PRRC2A: variants seen among roughly 807,000 people sequenced by gnomAD.
PRRC2A encodes the protein proline rich coiled-coil 2A, also known as protein PRRC2A.
A neutral mutation model predicts 224.6 loss-of-function variants in PRRC2A; 59 were observed. That is an observed-to-expected ratio of 0.26 (90% CI 0.21 to 0.33). PRRC2A has a LOEUF of 0.33. Among genes scored for constraint, PRRC2A ranks in the 10% least tolerant of loss-of-function variants. PRRC2A has a pLI of 1.00. For synonymous variants in PRRC2A, 1,194 were observed against 1,109.5 expected, an observed-to-expected ratio of 1.08 and a Z score of -1.51; for missense variants, 3,095 against 2,880.7, an observed-to-expected ratio of 1.07 and a Z score of -1.70.
intron 14 of PRRC2A, 39 bp from the exon 15 acceptor site, chr6:31,630,552 A>G (rs374721855): frequency 9.9e-6 from 16 of 1,608,058 alleles, no homozygotes; most frequent in Non-Finnish European, 1.1e-5. Flanking sequence ...GGCTTGTGAC[A>G]TGAATAGGAT....
Position 31,629,255 on chromosome 6 carries a change from C to T in PRRC2A, c.1877C>T (p.Thr626Ile), listed in dbSNP as rs746899291. Residue 626 changes from threonine (T) to isoleucine (I), a missense_variant, in exon 13 of 31, where the codon ACC becomes ATC. By Grantham distance (89) the Thr-to-Ile change is moderately conservative. This residue lies in a region of PRRC2A where 2,001 missense variants were observed against 1,764.9 expected (regional missense o/e 1.13). Transcript: ENST00000376033. The stretch of plus-strand genomic sequence containing the variant: ...CCCAAGGGTGATGGGATTGGTCCCA[C>T]CCGCCAGCCCCCTAGTCAGGGCTTG... ...VEPKGDGIGP[T>I]RQPPSQGLGY... The T allele has an allele frequency of 7.4e-6, 12 of 1,610,938 alleles. No individual in the cohort carries two copies. Among genetic ancestry groups the T allele is most frequent in the Non-Finnish European group, 1.0e-5 (12 of 1,178,584 alleles).
At chr6:31,634,033 G>A (rs760769795) in intron 18 of PRRC2A, 44 bp downstream of exon 18, 17 of 1,588,910 alleles carry the variant, frequency 1.1e-5, no homozygotes, top group East Asian at 4.5e-5. Context: ...ACTCTTACTC[G>A]TGAAAATTCT....
At position 31,628,120 on chromosome 6, in the gene PRRC2A, C is replaced by T. The variant is rs774473052; in HGVS notation, c.1646C>T (p.Pro549Leu). Residue 549 changes from proline (P) to leucine (L), a missense_variant, in exon 12 of 31, where the codon CCA becomes CTA. Around this residue, in one of 8 missense-constraint regions of PRRC2A, gnomAD observed 2,001 missense variants for 1,764.9 expected, o/e 1.13. Transcript: ENST00000376033. ...APTPETEPEE[P>L]AQAPPAQSTP... Reference sequence around the variant, plus strand: ...ACACCAGAGACAGAACCTGAAGAGCCAGCACAGGCCCCTCCTGCCCAATCT... The same window carrying T: ...ACACCAGAGACAGAACCTGAAGAGCTAGCACAGGCCCCTCCTGCCCAATCT... The T allele has an allele frequency of 4.3e-6, 7 of 1,613,030 alleles. No individual in the cohort carries two copies. The highest frequency in any genetic ancestry group is 5.9e-6 in the Non-Finnish European group (7 of 1,180,012).
At chr6:31,630,209 C>G (rs535357491) in intron 14 of PRRC2A, among the ~76,000 whole-genome samples, 15 of 152,226 alleles carry the variant, frequency 9.9e-5, no homozygotes, top group Admixed American at 3.9e-4. Flanking sequence ...CCCAGCTACT[C>G]GGGAGACTGA....
chr6:31,625,513 C>G lies in PRRC2A; in HGVS notation c.661C>G (p.Pro221Ala). 2.5e-6 allele frequency: 4 copies of G among 1,582,788 alleles called. No homozygotes were observed. The Middle Eastern group carries it at 6.7e-4, about 266-fold the overall frequency. ...GGRGPDELEG[P>A]DSKLHHGHDP... ...GCGTGGCCCTGATGAGCTGGAGGGC[C>G]CGGACTCCAAACTTCATCATGGTCA... Residue 221 changes from proline to alanine, a missense_variant, in exon 7 of 31, where the codon CCG becomes GCG. Pro to Ala is a conservative substitution (Grantham distance 27). Around this residue, in one of 8 missense-constraint regions of PRRC2A, gnomAD observed 287 missense variants for 275.3 expected, o/e 1.04. Coordinates refer to ENST00000376033, the MANE Select transcript of PRRC2A (RefSeq NM_004638.4). This position sits in a 1 kb window ranked among gnomAD's most constrained non-coding sequence, Gnocchi z 4.1.
At chr6:31,633,213 C>G (rs531968099) in intron 16 of PRRC2A, among the ~76,000 whole-genome samples, 166 bp from the exon 17 acceptor site, 2 of 152,184 alleles carry the variant, frequency 1.3e-5, no homozygotes, top group Non-Finnish European at 2.9e-5. Flanking sequence ...TGGTTCTTTG[C>G]TTTCCAGTCT....
chr6:31,624,798 T>G, intron 5 of PRRC2A: 1 of 550,348 alleles, frequency 1.8e-6, no homozygotes, highest in East Asian at 3.0e-5. Flanking sequence ...TGTCAGAGCC[T>G]TCCACTTTTT....
intron 9 of PRRC2A, among the ~76,000 whole-genome samples, chr6:31,626,473 G>A (rs181859287): frequency 1.4e-4 from 22 of 151,968 alleles, no homozygotes; most frequent in Non-Finnish European, 2.5e-4. Context: ...GGGAGGATCA[G>A]TTGAGCCCAG....
Position 31,627,900 on chromosome 6 carries a change from C to T in PRRC2A, c.1426C>T (p.Arg476Trp). The part of the protein sequence containing the change: ...RARRRREEEE[R>W]RMQEERRAAC... ...CCGGCGACGGCGAGAAGAAGAGGAG[C>T]GGCGCATGCAAGAAGAGCGCCGGGC... The change falls in exon 12 of 31, where the codon CGG becomes TGG. Residue 476 changes from arginine (R) to tryptophan (W), a missense_variant. Arg to Trp is a moderately radical substitution (Grantham distance 101). Around this residue, in one of 8 missense-constraint regions of PRRC2A, gnomAD observed 2,001 missense variants for 1,764.9 expected, o/e 1.13. Transcript: ENST00000376033. This position sits in a 1 kb window ranked among gnomAD's most constrained non-coding sequence, Gnocchi z 5.6. 1.2e-6 allele frequency: 2 copies of T among 1,613,032 alleles called. No individual in the cohort carries two copies. The highest frequency in any genetic ancestry group is 1.1e-5 in the South Asian group (1 of 91,086).
At position 31,636,924 on chromosome 6, in the gene PRRC2A, C is replaced by G. The variant is rs570553846; in HGVS notation, c.6126C>G (p.Pro2042=). 1 of 1,612,960 alleles carries G rather than the reference C, an allele frequency of 6.2e-7. No homozygotes were observed. The highest frequency in any genetic ancestry group is 1.3e-5 in the African/African-American group (1 of 75,046). ...TGCCTTCACCTGCCAGGCCCTTCCC[C>G]GCTAGCTTGGGGCGAGCAGAGGTAA... ...RVLPSPARPF[P]ASLGRAELHP... Residue 2042 remains proline, a synonymous_variant, in exon 28 of 31, where the codon CCC becomes CCG. Coordinates refer to ENST00000376033, the MANE Select transcript of PRRC2A (RefSeq NM_004638.4). This position sits in a 1 kb window ranked among gnomAD's most constrained non-coding sequence, Gnocchi z 4.3.
At position 31,631,098 on chromosome 6, in the gene PRRC2A, C is replaced by T; in HGVS notation, c.2466-41C>T. 1 of 1,434,156 alleles carries T rather than the reference C, an allele frequency of 7.0e-7. No homozygotes were observed. Among genetic ancestry groups the T allele is most frequent in the Non-Finnish European group, 9.4e-7 (1 of 1,061,712 alleles). The allele number at this position is 1,434,156 out of a possible 1,614,324, so 88.8% of individuals were successfully genotyped here. A position where few individuals can be genotyped will look rare whatever the true frequency, so the allele number is the denominator to read the frequency against. ...TCTTTTCCCACCTAGTTCTGGTTTT[C>T]CTGAGATACTTATTTCCATTCTTTC... On this transcript the variant is annotated intron_variant, in intron 15 of 30. Transcript: ENST00000376033. This position sits in a 1 kb window ranked among gnomAD's most constrained non-coding sequence, Gnocchi z 4.5.
In PRRC2A at chr6:31,626,180, G is replaced by A. The variant is rs1206484254; in HGVS notation, c.982+18G>A. 1 of 1,604,504 alleles carries A rather than the reference G, an allele frequency of 6.2e-7. No individual in the cohort carries two copies. Among genetic ancestry groups the A allele is most frequent in the African/African-American group, 1.3e-5 (1 of 74,486 alleles). ...TTGGGCAGGTAAGTGGATATTAAGG[G>A]TCAAGAATTTGGATCTTGAAAGGCA... is the stretch of plus-strand genomic sequence containing the variant. On this transcript the variant is annotated intron_variant, in intron 9 of 30. Transcript: ENST00000376033.
intron 17 of PRRC2A, 34 bp downstream of exon 17, chr6:31,633,681 C>A: frequency 1.3e-6 from 2 of 1,579,758 alleles, no homozygotes; most frequent in South Asian, 1.2e-5. Flanking sequence ...GGAATATCTC[C>A]ATCCCCAGAG....
In PRRC2A at chr6:31,624,241, T is replaced by C. The variant is rs1460925453; in HGVS notation, c.291-20T>C. The C allele has an allele frequency of 6.2e-7, 1 of 1,609,630 alleles. No individual in the cohort carries two copies. The highest frequency in any genetic ancestry group is 1.7e-5 in the Admixed American group (1 of 59,982). On this transcript the variant is annotated intron_variant, in intron 3 of 30. Transcript: ENST00000376033. ...GGAGGCATCTCAGGTGTGAATAACC[T>C]TCCCATTCTGTCCCCTCAGTTCCGA...
intron 12 of PRRC2A, chr6:31,628,631 C>G (rs909829642): frequency 7.8e-6 from 2 of 257,380 alleles, no homozygotes; most frequent in African/African-American, 4.5e-5. Context: ...AACATGAGGT[C>G]AGGAGTTCAA....
chr6:31,628,289 G>T, intron 12 of PRRC2A, 50 bp downstream of exon 12: 1 of 1,552,062 alleles, frequency 6.4e-7, no homozygotes, highest in Admixed American at 1.9e-5. Context: ...CTGCTTCAAG[G>T]TGCTTAAAGG....
In PRRC2A at chr6:31,636,875, C is replaced by A. The variant is rs1234713592; in HGVS notation, c.6077C>A (p.Pro2026Gln). 4.3e-6 allele frequency: 7 copies of A among 1,613,030 alleles called. No individual in the cohort carries two copies. Among genetic ancestry groups the A allele is most frequent in the Non-Finnish European group, 5.9e-6 (7 of 1,180,028 alleles). Reference protein sequence around the residue: ...LQPPSLAVRPPPAPATRVLPS... With the variant: ...LQPPSLAVRPQPAPATRVLPS... ...CCCCCCAGCCTGGCTGTGCGGCCCC[C>A]ACCTGCTCCTGCTACTCGGGTGCTG... Residue 2026 changes from proline (P) to glutamine (Q), a missense_variant, in exon 28 of 31, where the codon CCA becomes CAA. Around this residue, in one of 8 missense-constraint regions of PRRC2A, gnomAD observed 662 missense variants for 609.5 expected, o/e 1.09. Transcript: ENST00000376033. The surrounding 1 kb of genome is among the most constrained non-coding windows in gnomAD (Gnocchi z 4.3).
In PRRC2A at chr6:31,632,080, C is replaced by G; in HGVS notation, c.3407C>G (p.Pro1136Arg). ...AAGGAGGGAACACTCACCCAGGTCC[C>G]TCTCGCTCCCCCACCACCAGGAGCC... is the stretch of plus-strand genomic sequence containing the variant. Reference protein sequence around the residue: ...TPKEGTLTQVPLAPPPPGAPP... With the variant: ...TPKEGTLTQVRLAPPPPGAPP... The change falls in exon 16 of 31, where the codon CCT (proline) becomes CGT (arginine). Residue 1136 changes from proline to arginine, a missense_variant. Transcript: ENST00000376033. 1 of 1,554,880 alleles carries G rather than the reference C, an allele frequency of 6.4e-7. No individual in the cohort carries two copies. The highest frequency in any genetic ancestry group is 8.7e-7 in the Non-Finnish European group (1 of 1,149,366).
rs1208038696 is a variant in PRRC2A at position 31,632,233 on chromosome 6, C to G, written c.3560C>G (p.Pro1187Arg). ...PPPQVCPGWS[P>R]PAKSLAPKKP... ...CCTCAAGTTTGCCCAGGCTGGAGCC[C>G]TCCAGCCAAGTCTCTGGCTCCCAAG... Residue 1187 changes from proline (P) to arginine (R), a missense_variant, in exon 16 of 31, where the codon CCT becomes CGT. Around this residue, in one of 8 missense-constraint regions of PRRC2A, gnomAD observed 2,001 missense variants for 1,764.9 expected, o/e 1.13. Coordinates refer to ENST00000376033, the MANE Select transcript of PRRC2A (RefSeq NM_004638.4). 1.2e-6 allele frequency: 2 copies of G among 1,612,698 alleles called. No individual in the cohort carries two copies. Among genetic ancestry groups the G allele is most frequent in the African/African-American group, 1.3e-5 (1 of 74,912 alleles).
Sources: gnomAD v4.1 joint callset for allele counts (sites outside exome capture counted in the v4.1 genomes callset) on GRCh38, gnomAD v4.1.1 for gene constraint, gnomAD v4.1.1 regional missense constraint, Gnocchi (gnomAD v3.1) non-coding constraint, MANE v1.5 for transcripts, NCBI Gene and HGNC (gene_info 2026-07-23, HGNC 2026-07-21) for gene names.